ERBIN: variants seen among roughly 807,000 people sequenced by gnomAD.
ERBIN encodes the protein erbb2 interacting protein, also known as densin-180-like protein.
A neutral mutation model predicts 158.4 loss-of-function variants in ERBIN; 60 were observed. The observed-to-expected ratio is 0.38, with a 90% confidence interval of 0.31 to 0.47. ERBIN has a LOEUF of 0.47. Ranked by LOEUF, ERBIN falls within the 20% of genes least tolerant of loss-of-function variation. The probability of loss-of-function intolerance (pLI) is 0.99; values close to 1 mark genes in which losing one functional copy is unlikely to be tolerated. For missense variants in ERBIN, 1,610 were observed against 1,648.0 expected (o/e 0.98, Z 0.40); for synonymous variants, 594 against 557.2 (o/e 1.07, Z -0.93).
chr5:65,945,417 T>G (rs1475287491), intron 1 of ERBIN, among the ~76,000 whole-genome samples: 1 of 152,240 alleles, frequency 6.6e-6, no homozygotes, highest in Non-Finnish European at 1.5e-5. Context: ...TGTAATCTGC[T>G]TTTAAGTTCT....
At chr5:65,927,088 C>T (rs1395812046) in intron 1 of ERBIN, among the ~76,000 whole-genome samples, 2 of 149,996 alleles carry the variant, frequency 1.3e-5, no homozygotes, top group African/African-American at 4.9e-5. Flanking sequence ...AGAACGATTG[C>T]CTTTGTTCAG....
chr5:66,065,148 A>C (rs1360484463), intron 21 of ERBIN, among the ~76,000 whole-genome samples: 1 of 152,230 alleles, frequency 6.6e-6, no homozygotes, highest in Non-Finnish European at 1.5e-5. Context: ...AACATGGAAC[A>C]CAATACGATA....
chr5:65,986,974 TA>T (rs1751299962), intron 1 of ERBIN, among the ~76,000 whole-genome samples: 1 of 152,194 alleles, frequency 6.6e-6, no homozygotes, highest in African/African-American at 2.4e-5. Flanking sequence ...CTTGTTGACT[TA>T]CGGTAATAGG....
chr5:66,016,468 T>TA (rs1754729025), intron 7 of ERBIN, among the ~76,000 whole-genome samples: 1 of 152,188 alleles, frequency 6.6e-6, no homozygotes, highest in African/African-American at 2.4e-5. Flanking sequence ...TGAGGTAAAA[T>TA]ATGTGTAAAA....
chr5:65,934,045 C>G (rs1283058447), intron 1 of ERBIN, among the ~76,000 whole-genome samples: 1 of 152,026 alleles, frequency 6.6e-6, no homozygotes, highest in African/African-American at 2.4e-5. Flanking sequence ...TATAGACGCC[C>G]GCCACCACGC....
chr5:66,072,409 T>G, intron 22 of ERBIN, 118 bp downstream of exon 22: 1 of 992,034 alleles, frequency 1.0e-6, no homozygotes, highest in Non-Finnish European at 1.4e-6. Flanking sequence ...TTCCCCCCTT[T>G]ATTAGTAAGG....
intron 11 of ERBIN, 101 bp from the exon 12 acceptor site, chr5:66,025,747 G>C: frequency 1.0e-6 from 1 of 989,976 alleles, no homozygotes; most frequent in Non-Finnish European, 1.4e-6. Flanking sequence ...GGTTTCACTA[G>C]GTTTTCAAAG....
intron 21 of ERBIN, among the ~76,000 whole-genome samples, chr5:66,064,219 T>G (rs1349325775): frequency 6.6e-6 from 1 of 152,132 alleles, no homozygotes; most frequent in Non-Finnish European, 1.5e-5. Context: ...GATTAATAGA[T>G]TAAGGTAAAA....
chr5:65,988,415 A>G (rs1751497976), intron 1 of ERBIN, among the ~76,000 whole-genome samples: 1 of 151,442 alleles, frequency 6.6e-6, no homozygotes, highest in Non-Finnish European at 1.5e-5. Context: ...AAGCTGGTAA[A>G]TATGTGTGTG....
chr5:66,039,949 C>A (rs1267534362), intron 15 of ERBIN, among the ~76,000 whole-genome samples: 1 of 151,836 alleles, frequency 6.6e-6, no homozygotes, highest in East Asian at 1.9e-4. Context: ...CTTATCAAAG[C>A]AAGTCTTTTA....
At chr5:65,995,456 G>A (rs1227790037) in intron 4 of ERBIN, among the ~76,000 whole-genome samples, 2 of 151,746 alleles carry the variant, frequency 1.3e-5, no homozygotes, top group Non-Finnish European at 2.9e-5. Flanking sequence ...CAAATTAACA[G>A]GGTTTTCTTC....
At chr5:66,027,030 A>G (rs1256572155) in intron 13 of ERBIN, among the ~76,000 whole-genome samples, 2 of 151,988 alleles carry the variant, frequency 1.3e-5, no homozygotes, top group Non-Finnish European at 2.9e-5. Context: ...TTAAAAACAG[A>G]ATGTCCATAC....
chr5:65,997,709 G>GC (rs1240433950), intron 4 of ERBIN, among the ~76,000 whole-genome samples: 1 of 152,182 alleles, frequency 6.6e-6, no homozygotes, highest in East Asian at 1.9e-4. Flanking sequence ...CCAAGTTAGT[G>GC]CAGCAGTGCC....
At chr5:66,024,473 T>C (rs1427719901) in intron 10 of ERBIN, 23 bp downstream of exon 10, 9 of 1,567,782 alleles carry the variant, frequency 5.7e-6, no homozygotes, top group Non-Finnish European at 7.7e-6. Context: ...TTCAAATTCA[T>C]GTAATTTTTA....
At chr5:65,992,108 T>C (rs1051724520) in intron 2 of ERBIN, among the ~76,000 whole-genome samples, 14 of 152,180 alleles carry the variant, frequency 9.2e-5, no homozygotes, top group African/African-American at 3.4e-4. Flanking sequence ...CTTCGTCTTA[T>C]TAGAGTTTTT....
intron 20 of ERBIN, among the ~76,000 whole-genome samples, chr5:66,052,407 A>G (rs1416934464): frequency 6.6e-6 from 1 of 152,172 alleles, no homozygotes; most frequent in Non-Finnish European, 1.5e-5. Flanking sequence ...TCAATCATTT[A>G]TTTCTATTCT....
chr5:66,002,349 A>G (rs1753095005), intron 4 of ERBIN, among the ~76,000 whole-genome samples: 1 of 152,220 alleles, frequency 6.6e-6, no homozygotes, highest in African/African-American at 2.4e-5. Context: ...GCAAATAGCA[A>G]CCAGTATTAG....
At chr5:66,062,177 A>G (rs1277951180) in intron 21 of ERBIN, among the ~76,000 whole-genome samples, 2 of 152,160 alleles carry the variant, frequency 1.3e-5, no homozygotes, top group Admixed American at 6.5e-5. Flanking sequence ...TTTCAGGTAC[A>G]CCAGTGAGAC....
chr5:66,004,406 GTGTA>G (rs1753357240), intron 4 of ERBIN, among the ~76,000 whole-genome samples: 1 of 152,072 alleles, frequency 6.6e-6, no homozygotes, highest in Non-Finnish European at 1.5e-5. Flanking sequence ...GCGTGCGTGT[GTGTA>G]TGTGTGAGTT....
Sources: gnomAD v4.1 joint callset for allele counts (sites outside exome capture counted in the v4.1 genomes callset) on GRCh38, gnomAD v4.1.1 for gene constraint, MANE v1.5 for transcripts, NCBI Gene and HGNC (gene_info 2026-07-23, HGNC 2026-07-21) for gene names.